SLC25A21: variants seen among roughly 807,000 people sequenced by gnomAD.
SLC25A21 encodes mitochondrial 2-oxodicarboxylate carrier.
Under a neutral mutation model 43.8 loss-of-function variants are expected in SLC25A21, and 47 were observed. The observed-to-expected ratio is 1.07, with a 90% CI of 0.85 to 1.37. SLC25A21 has a LOEUF of 1.37. Among genes scored for constraint, SLC25A21 ranks in the 40% most tolerant of loss-of-function variants. The probability of loss-of-function intolerance (pLI) is 0.00; values close to 1 mark genes in which losing one functional copy is unlikely to be tolerated. For synonymous variants in SLC25A21, 131 were observed against 121.3 expected, an observed-to-expected ratio of 1.08 and a Z score of -0.52; for missense variants, 352 against 350.2, an observed-to-expected ratio of 1.00 and a Z score of -0.04.
At chr14:37,031,231 G>C (rs1174573783) in intron 1 of SLC25A21, among the ~76,000 whole-genome samples, 1 of 152,178 alleles carries the variant, frequency 6.6e-6, no homozygotes, top group African/African-American at 2.4e-5. Flanking sequence ...GTGTTCAACA[G>C]TGTTCAAACA....
At chr14:37,142,001 T>C (rs1199968557) in intron 1 of SLC25A21, among the ~76,000 whole-genome samples, 3 of 152,218 alleles carry the variant, frequency 2.0e-5, no homozygotes, top group Non-Finnish European at 4.4e-5. Context: ...CATCTTTTCA[T>C]GTTACCCAAG....
intron 7 of SLC25A21, 29 bp downstream of exon 7, chr14:36,711,289 T>G: frequency 6.2e-7 from 1 of 1,606,084 alleles, no homozygotes; most frequent in Non-Finnish European, 8.5e-7. Context: ...GGATTTTTCC[T>G]CCAGGATTTT....
chr14:37,130,949 T>C (rs1963382456), intron 1 of SLC25A21, among the ~76,000 whole-genome samples: 1 of 152,138 alleles, frequency 6.6e-6, no homozygotes, highest in African/African-American at 2.4e-5. Context: ...TTAGAGGGGA[T>C]CTGGCCACTA....
At chr14:37,121,267 T>C (rs1187899914) in intron 1 of SLC25A21, among the ~76,000 whole-genome samples, 1 of 152,200 alleles carries the variant, frequency 6.6e-6, no homozygotes, top group Non-Finnish European at 1.5e-5. Context: ...ATTTGGTCCT[T>C]TCTTTTGGCC....
intron 1 of SLC25A21, among the ~76,000 whole-genome samples, chr14:37,133,643 C>A (rs1351353662): frequency 6.6e-6 from 1 of 151,928 alleles, no homozygotes; most frequent in African/African-American, 2.4e-5. Flanking sequence ...AAAAAAACCA[C>A]CAACACCTGC....
chr14:36,892,655 G>A (rs908050495), intron 1 of SLC25A21, among the ~76,000 whole-genome samples: 16 of 151,924 alleles, frequency 1.1e-4, no homozygotes, highest in East Asian at 1.9e-4. Context: ...CCATTAACTC[G>A]TCATTTAACA....
At chr14:36,923,639 C>T (rs887734112) in intron 1 of SLC25A21, among the ~76,000 whole-genome samples, 11 of 152,104 alleles carry the variant, frequency 7.2e-5, no homozygotes, top group African/African-American at 2.7e-4. Context: ...AGGTGCCTGA[C>T]AGCAGTAGCA....
intron 6 of SLC25A21, among the ~76,000 whole-genome samples, chr14:36,714,032 A>G (rs114931526): frequency 0.011 from 1,669 of 152,242 alleles, 27 homozygotes; most frequent in African/African-American, 0.035. Flanking sequence ...AGAAAAAAAA[A>G]TCTTCCTCAC....
chr14:37,073,930 C>CAAAAAAAAAAAAAA (rs537458049), intron 1 of SLC25A21, among the ~76,000 whole-genome samples: 1 of 144,702 alleles, frequency 6.9e-6, no homozygotes. Flanking sequence ...CTTCTAGATC[C>CAAAAAAAAAAAAAA]AAAAAAAAAA....
At chr14:36,709,171 C>T (rs148197599) in intron 7 of SLC25A21, among the ~76,000 whole-genome samples, 2 of 152,194 alleles carry the variant, frequency 1.3e-5, no homozygotes, top group South Asian at 2.1e-4. Context: ...TGATGCCCAG[C>T]TAATTTTTGT....
At chr14:36,798,181 T>C (rs553091685) in intron 3 of SLC25A21, among the ~76,000 whole-genome samples, 1 of 152,302 alleles carries the variant, frequency 6.6e-6, no homozygotes, top group South Asian at 2.1e-4. Flanking sequence ...GCCAGACCCC[T>C]ACTTTAGTGT....
At chr14:36,784,198 G>T (rs1374120741) in intron 3 of SLC25A21, among the ~76,000 whole-genome samples, 1 of 152,174 alleles carries the variant, frequency 6.6e-6, no homozygotes, top group African/African-American at 2.4e-5. Context: ...GTGGCTTGAG[G>T]CATTTTCCAG....
At chr14:36,727,974 T>C (rs1328937129) in intron 5 of SLC25A21, among the ~76,000 whole-genome samples, 4 of 152,190 alleles carry the variant, frequency 2.6e-5, no homozygotes, top group South Asian at 4.1e-4. Flanking sequence ...TTCCAAGTAA[T>C]TCACTTTTTT....
intron 3 of SLC25A21, among the ~76,000 whole-genome samples, chr14:36,772,635 C>T (rs907394968): frequency 6.6e-6 from 1 of 152,188 alleles, no homozygotes; most frequent in Non-Finnish European, 1.5e-5. Flanking sequence ...TCCTCAATCA[C>T]TCCCTAACAC....
chr14:36,710,845 C>G (rs1408007537), intron 7 of SLC25A21, among the ~76,000 whole-genome samples: 1 of 152,068 alleles, frequency 6.6e-6, no homozygotes, highest in Non-Finnish European at 1.5e-5. Context: ...CCCTAATTAA[C>G]CTAGATTAAA....
In SLC25A21 at chr14:36,711,394, A is replaced by T. The variant is rs768274315; in HGVS notation, c.527T>A (p.Leu176Ter). 8.7e-6 allele frequency: 14 copies of T among 1,614,154 alleles called. No individual in the cohort carries two copies. In the South Asian group the frequency reaches 1.5e-4, roughly 18 times the overall value. ...CATGTTGAAAACTCCATGTCGTCCC[A>T]AAGTTGCAGTTAATCCTTTGTTGAG... ...QGLNKGLTAT[L>*]GRHGVFNMVY... Residue 176 changes from leucine to a stop codon, truncating the protein, a stop_gained, in exon 7 of 10, where the codon TTG (leucine) becomes TAG (stop). Coordinates refer to ENST00000331299, the MANE Select transcript of SLC25A21 (RefSeq NM_030631.4). LOFTEE classifies it high-confidence loss of function.
chr14:37,147,844 C>CTTTTTTTTTTTTTTTTTTT (rs61239254), intron 1 of SLC25A21, among the ~76,000 whole-genome samples: 15 of 126,248 alleles, frequency 1.2e-4, no homozygotes, highest in East Asian at 2.3e-4. Flanking sequence ...TTTTTCTTTT[C>CTTTTTTTTTTTTTTTTTTT]TTTTTTTTTT....
chr14:36,745,997 C>T lies in SLC25A21; in HGVS notation c.204-11424G>A, dbSNP rs915926213. On this transcript the variant is annotated intron_variant, in intron 3 of 9. Transcript: ENST00000331299. ...GCAGAAAAAAGAGAACGCTTCTACA[C>T]TGCTGGTGGAAATGTAAAATATTAC... 1.8e-4 allele frequency among the ~76,000 whole-genome samples: 28 copies of T among 152,138 alleles called. 1 individual carries two copies. Among genetic ancestry groups the T allele is most frequent in the African/African-American group, 6.8e-4 (28 of 41,434 alleles).
chr14:36,748,310 T>G (rs1001275390), intron 3 of SLC25A21, among the ~76,000 whole-genome samples: 2 of 152,228 alleles, frequency 1.3e-5, no homozygotes, highest in Non-Finnish European at 2.9e-5. Context: ...GGAGCTAAAA[T>G]GCTGGCTTTT....
Sources: gnomAD v4.1 joint callset for allele counts (sites outside exome capture counted in the v4.1 genomes callset) on GRCh38, gnomAD v4.1.1 for gene constraint, MANE v1.5 for transcripts, NCBI Gene and HGNC (gene_info 2026-07-23, HGNC 2026-07-21) for gene names.